SYAP1: variants seen among roughly 807,000 people sequenced by gnomAD.
SYAP1 encodes the protein synapse-associated protein 1.
In SYAP1, 3 loss-of-function variants were observed where a neutral mutation model predicts 29.6. That is an observed-to-expected ratio of 0.10 (90% confidence interval 0.05 to 0.26). SYAP1 has a LOEUF of 0.26. Among genes scored for constraint, SYAP1 ranks in the 10% least tolerant of loss-of-function variants. SYAP1 has a pLI of 1.00. For missense variants in SYAP1, 217 were observed against 264.1 expected (o/e 0.82, Z 1.24); for synonymous variants, 102 against 102.7 (o/e 0.99, Z 0.04).
Position 16,719,799 on chromosome X carries a change from T to C in SYAP1, c.75T>C (p.Ala25=). 1 of 1,200,124 alleles carries C rather than the reference T, an allele frequency of 8.3e-7. No homozygotes were observed. Among genetic ancestry groups the C allele is most frequent in the Middle Eastern group, 2.4e-4 (1 of 4,203 alleles). The part of the protein sequence containing the change: ...VAGGGQPNGD[A]PPEQPSETVA... ...GCGGTGGGCAGCCCAATGGAGATGC[T>C]CCACCCGAGCAGCCGTCCGAGACGG... The change falls in exon 1 of 9, where the codon GCT becomes GCC. Residue 25 remains alanine (A), a synonymous_variant. Transcript: ENST00000380155.
chrX:16,753,752 T>A (rs1353796269), intron 5 of SYAP1, among the ~76,000 whole-genome samples: 1 of 112,074 alleles, frequency 8.9e-6, no homozygotes, highest in Admixed American at 9.5e-5. Flanking sequence ...TTCATGGTGC[T>A]ACCTCATGAC....
At chrX:16,736,287 T>C (rs969986145) in intron 3 of SYAP1, 55 bp downstream of exon 3, 6 of 794,063 alleles carry the variant, frequency 7.6e-6, no homozygotes, top group Non-Finnish European at 9.5e-6. Flanking sequence ...GCACCTGTTA[T>C]GTGCTAGATA....
intron 6 of SYAP1, among the ~76,000 whole-genome samples, chrX:16,755,672 A>G (rs2147437358): frequency 9.0e-6 from 1 of 111,478 alleles, no homozygotes; most frequent in South Asian, 3.8e-4. Flanking sequence ...GGATCTATCT[A>G]GTTCTGAGCT....
At chrX:16,746,931 A>G (rs1926622821) in intron 5 of SYAP1, among the ~76,000 whole-genome samples, 1 of 111,591 alleles carries the variant, frequency 9.0e-6, no homozygotes, top group African/African-American at 3.3e-5. Flanking sequence ...TTTTTACTAC[A>G]TATGCTCACA....
At chrX:16,733,908 T>A (rs867533165) in intron 1 of SYAP1, among the ~76,000 whole-genome samples, 2 of 110,435 alleles carry the variant, frequency 1.8e-5, no homozygotes, top group Middle Eastern at 4.7e-3. Context: ...TCTGCCCGCC[T>A]CGGCCTCCCA....
chrX:16,729,038 C>CA lies in SYAP1; in HGVS notation c.176-6189_176-6188insA, dbSNP rs1555981574. ...TGGGCAACAGAGCGAGCAGCTATCT[C>CA]GAAAAAAAAAAAAGAAAAAAAAAAA... On this transcript the variant is annotated intron_variant, in intron 1 of 8. Coordinates refer to ENST00000380155, the MANE Select transcript of SYAP1 (RefSeq NM_032796.4). Among the ~76,000 whole-genome samples, 486 of 73,508 alleles carry CA rather than the reference C, an allele frequency of 6.6e-3. 7 individuals carry two copies. The highest frequency in any genetic ancestry group is 0.028 in the African/African-American group (455 of 16,427). 63.8% of individuals were successfully genotyped at this position (73,508 alleles called of 115,157 possible). A position where few individuals can be genotyped will look rare whatever the true frequency, so the allele number is the denominator to read the frequency against.
rs747843183 is a variant in SYAP1, at chrX:16,721,934, C to T, written c.175+2035C>T. 5.4e-5 allele frequency among the ~76,000 whole-genome samples: 6 copies of T among 111,803 alleles called. No homozygotes were observed. The South Asian group carries it at 1.1e-3, about 21-fold the overall frequency. On this transcript the variant is annotated intron_variant, in intron 1 of 8. Transcript: ENST00000380155. Reference sequence around the variant, plus strand: ...TCACCAGATTCTCTTTTGATATTTACGGAAGCTGAGGTTAGATGGAAGTAC... The same window carrying T: ...TCACCAGATTCTCTTTTGATATTTATGGAAGCTGAGGTTAGATGGAAGTAC...
intron 5 of SYAP1, among the ~76,000 whole-genome samples, chrX:16,751,730 G>A (rs1410619141): frequency 9.8e-6 from 1 of 101,948 alleles, no homozygotes; most frequent in Non-Finnish European, 2.0e-5. Flanking sequence ...CCAGGCTGGA[G>A]TGCAATGGTA....
chrX:16,755,649 T>C (rs917707940), intron 6 of SYAP1, among the ~76,000 whole-genome samples: 1 of 111,047 alleles, frequency 9.0e-6, no homozygotes, highest in Non-Finnish European at 1.9e-5. Context: ...TCCATTCCAC[T>C]CCCAAGTTAC....
In SYAP1 at chrX:16,756,666, C is replaced by T; in HGVS notation, c.728C>T (p.Ala243Val). Residue 243 changes from alanine (A) to valine (V), a missense_variant, in exon 7 of 9, where the codon GCA becomes GTA. Ala to Val is a moderately conservative substitution (Grantham distance 64). Coordinates refer to ENST00000380155, the MANE Select transcript of SYAP1 (RefSeq NM_032796.4). ...GREQDLPLAE[A>V]VRPKTPPVVI... is the part of the protein sequence containing the mutation. ...CTCTCTTATTCTCACTTCTTAGAGG[C>T]AGTACGGCCCAAAACGCCACCCGTT... 8.3e-7 allele frequency: 1 copy of T among 1,209,838 alleles called. No individual in the cohort carries two copies. Among genetic ancestry groups the T allele is most frequent in the Non-Finnish European group, 1.1e-6 (1 of 893,834 alleles).
In SYAP1 at chrX:16,719,635, C is replaced by G; in HGVS notation, c.-90C>G. 2.9e-6 allele frequency: 3 copies of G among 1,046,309 alleles called. No individual in the cohort carries two copies. Among genetic ancestry groups the G allele is most frequent in the Non-Finnish European group, 3.8e-6 (3 of 791,415 alleles). The allele number at this position is 1,046,309 out of a possible 1,213,427, so 86.2% of individuals were successfully genotyped here. A position where few individuals can be genotyped will look rare whatever the true frequency, so the allele number is the denominator to read the frequency against. On this transcript the variant is annotated 5_prime_UTR_variant, in exon 1 of 9. Coordinates refer to ENST00000380155, the MANE Select transcript of SYAP1 (RefSeq NM_032796.4). ...GTGTTCCTCCGACTTCCGGACATCTCCCTGGGAGTCGCGCAGAGTGGAGTC... is the reference window on the plus strand; with the variant it reads ...GTGTTCCTCCGACTTCCGGACATCTGCCTGGGAGTCGCGCAGAGTGGAGTC...
chrX:16,742,325 T>C (rs769977742), intron 4 of SYAP1, among the ~76,000 whole-genome samples: 17 of 109,542 alleles, frequency 1.6e-4, no homozygotes, highest in African/African-American at 5.7e-4. Context: ...CTAATTTTTG[T>C]ATTTTGAGTA....
chrX:16,738,375 G>A (rs1292795678), intron 3 of SYAP1, among the ~76,000 whole-genome samples: 3 of 111,587 alleles, frequency 2.7e-5, no homozygotes, highest in African/African-American at 9.8e-5. Flanking sequence ...CGATTGTGCC[G>A]CTACACTCCA....
chrX:16,758,480 T>C (rs180708463), intron 8 of SYAP1, among the ~76,000 whole-genome samples: 1,950 of 110,206 alleles, frequency 0.018, 54 homozygotes, highest in African/African-American at 0.062. Flanking sequence ...CCCAGGTAGC[T>C]GGGACTACAG....
intron 1 of SYAP1, among the ~76,000 whole-genome samples, chrX:16,729,040 A>G (rs1053370482): frequency 2.3e-5 from 2 of 85,680 alleles, no homozygotes; most frequent in Admixed American, 2.6e-4. Context: ...AGCTATCTCG[A>G]AAAAAAAAAA....
chrX:16,721,555 T>C (rs1234477137), intron 1 of SYAP1, among the ~76,000 whole-genome samples: 1 of 110,902 alleles, frequency 9.0e-6, no homozygotes, highest in African/African-American at 3.3e-5. Context: ...GATAGAATAG[T>C]CTTGCTCTGT....
chrX:16,760,591 G>T lies in SYAP1; in HGVS notation c.*232G>T. 1 of 210,129 alleles carries T rather than the reference G, an allele frequency of 4.8e-6. No homozygotes were observed. Among genetic ancestry groups the T allele is most frequent in the Non-Finnish European group, 8.4e-6 (1 of 118,874 alleles). The allele number at this position is 210,129 out of a possible 1,213,427, so 17.3% of individuals were successfully genotyped here. A position where few individuals can be genotyped will look rare whatever the true frequency, so the allele number is the denominator to read the frequency against. ...AGAACATTTCTTTAATATAAAGTTA[G>T]AGATGTCTTCATAGGCAGTATGGCT... On this transcript the variant is annotated 3_prime_UTR_variant, in exon 9 of 9. Transcript: ENST00000380155.
chrX:16,760,157 T>G, intron 8 of SYAP1, 75 bp from the exon 9 acceptor site: 86 of 1,024,809 alleles, frequency 8.4e-5, no homozygotes, highest in Non-Finnish European at 9.9e-5. Flanking sequence ...CGTAGGTAAT[T>G]GAGATGGACC....
rs749142170 is a variant in SYAP1, at chrX:16,762,086, T to G, written c.*1727T>G. 4.5e-4 allele frequency: 50 copies of G among 112,271 alleles called. No individual in the cohort carries two copies. Among genetic ancestry groups the G allele is most frequent in the African/African-American group, 1.6e-3 (50 of 30,960 alleles). 9.3% of individuals were successfully genotyped at this position (112,271 alleles called of 1,213,427 possible). A position where few individuals can be genotyped will look rare whatever the true frequency, so the allele number is the denominator to read the frequency against. ...TGCCACAGTTGCTTATTACTGAGTT[T>G]GGGTTCCAAGATGACTGGCAACTTC... On this transcript the variant is annotated 3_prime_UTR_variant, in exon 9 of 9. Transcript: ENST00000380155.
Sources: allele counts gnomAD v4.1 joint callset (sites outside exome capture counted in the v4.1 genomes callset), GRCh38; gene constraint gnomAD v4.1.1; transcripts MANE v1.5; gene names NCBI Gene and HGNC (gene_info 2026-07-23, HGNC 2026-07-21).